Variants in SYNJ2 observed in about 807,000 individuals in gnomAD.
The protein encoded by SYNJ2 is synaptojanin 2.
In SYNJ2, 116 loss-of-function variants were observed where a neutral mutation model predicts 141.3. That is an observed-to-expected ratio of 0.82 (90% CI 0.71 to 0.96). The LOEUF is 0.96. Ranked by LOEUF, SYNJ2 falls within the 40% of genes least tolerant of loss-of-function variation. The pLI, the probability that SYNJ2 is intolerant of heterozygous loss-of-function variation, is 0.00. For synonymous variants in SYNJ2, 745 were observed against 777.7 expected, an observed-to-expected ratio of 0.96 and a Z score of 0.70; for missense variants, 1,873 against 1,934.8, an observed-to-expected ratio of 0.97 and a Z score of 0.60.
At chr6:158,089,528 A>T (rs901326989) in intron 24 of SYNJ2, among the ~76,000 whole-genome samples, 1 of 152,192 alleles carries the variant, frequency 6.6e-6, no homozygotes, top group African/African-American at 2.4e-5. Context: ...CCATGGAAAG[A>T]GTGGCCTCTT....
intron 1 of SYNJ2, among the ~76,000 whole-genome samples, chr6:158,010,305 C>G (rs536411866): frequency 2.0e-5 from 3 of 152,338 alleles, no homozygotes; most frequent in Non-Finnish European, 4.4e-5. Flanking sequence ...CTTCTTCCTT[C>G]AAACATAATT....
Position 158,068,635 on chromosome 6 carries a change from C to A in SYNJ2, c.1718-12C>A, listed in dbSNP as rs770411199. 6.2e-7 allele frequency: 1 copy of A among 1,614,052 alleles called. No individual in the cohort carries two copies. The stretch of plus-strand genomic sequence containing the variant: ...GGTTCTGACTTCTGTCATCTCTTGC[C>A]TTGCTCCCCAGATGACAGCAGCCCA... On this transcript the variant is annotated splice_polypyrimidine_tract_variant and intron_variant, in intron 12 of 26. Coordinates refer to ENST00000355585, the MANE Select transcript of SYNJ2 (RefSeq NM_003898.4).
chr6:158,039,457 A>C (rs1247921116), intron 4 of SYNJ2, among the ~76,000 whole-genome samples: 1 of 152,192 alleles, frequency 6.6e-6, no homozygotes, highest in Admixed American at 6.5e-5. Context: ...GGACCCTGTG[A>C]GATTTACCTG....
At chr6:158,020,104 TTG>T (rs1259731356) in intron 2 of SYNJ2, among the ~76,000 whole-genome samples, 3 of 150,320 alleles carry the variant, frequency 2.0e-5, no homozygotes. Flanking sequence ...CTGACTCCAA[TTG>T]TGTGACTAAC....
chr6:157,981,613 G>T (rs1187712200), upstream of SYNJ2, among the ~76,000 whole-genome samples: 1 of 151,934 alleles, frequency 6.6e-6, no homozygotes, highest in East Asian at 1.9e-4. This position sits in a 1 kb window ranked among gnomAD's most constrained non-coding sequence, Gnocchi z 6.4. Context: ...CCCCGCGCGG[G>T]GCATCCTCCT....
intron 5 of SYNJ2, among the ~76,000 whole-genome samples, chr6:158,045,739 CT>C (rs1375924362): frequency 6.6e-6 from 1 of 152,062 alleles, no homozygotes; most frequent in Non-Finnish European, 1.5e-5. Context: ...TGTCGTTCCC[CT>C]CTTGGATTTC....
At chr6:158,069,306 G>C (rs1289067042) in intron 13 of SYNJ2, among the ~76,000 whole-genome samples, 9 of 152,146 alleles carry the variant, frequency 5.9e-5, no homozygotes, top group Admixed American at 5.9e-4. Flanking sequence ...AGAAGGTCCT[G>C]GGTTGGGTTT....
rs34645890 is a variant in SYNJ2, at chr6:158,040,533, TAA to T, written c.712-2772_712-2771del. On this transcript the variant is annotated intron_variant, in intron 4 of 26. Coordinates refer to ENST00000355585, the MANE Select transcript of SYNJ2 (RefSeq NM_003898.4). The surrounding 1 kb of genome is among the most constrained non-coding windows in gnomAD (Gnocchi z 4.2). ...AGACCAAAAAGTCCCCTCAGTCTATTAAAAAAAAAAAAGGATGTAAGATAAAT... is the reference window on the plus strand; with the variant it reads ...AGACCAAAAAGTCCCCTCAGTCTATTAAAAAAAAAAGGATGTAAGATAAAT... Among the ~76,000 whole-genome samples the T allele has an allele frequency of 3.5e-5, 5 of 143,156 alleles. No individual in the cohort carries two copies. Among genetic ancestry groups the T allele is most frequent in the African/African-American group, 1.0e-4 (4 of 39,424 alleles). 93.9% of individuals were successfully genotyped at this position (143,156 alleles called of 152,430 possible).
rs138737747 is a variant in SYNJ2 at position 157,998,033 on chromosome 6, T to C, written c.127+15945T>C. Among the ~76,000 whole-genome samples, 93 of 152,382 alleles carry C rather than the reference T, an allele frequency of 6.1e-4. 3 individuals are homozygous for C. In the East Asian group the frequency reaches 0.016, roughly 26 times the overall value. Reference sequence around the variant, plus strand: ...TGCAGTGCCTAAGAGGCCCCTGCTCTATTCAACTGGATATTCACGCAGGCA... The same window carrying C: ...TGCAGTGCCTAAGAGGCCCCTGCTCCATTCAACTGGATATTCACGCAGGCA... On this transcript the variant is annotated intron_variant, in intron 1 of 26. Transcript: ENST00000355585.
At chr6:158,059,811 T>G (rs1269528042) in intron 7 of SYNJ2, among the ~76,000 whole-genome samples, 1 of 152,204 alleles carries the variant, frequency 6.6e-6, no homozygotes, top group African/African-American at 2.4e-5. Context: ...CGCCTCGGCC[T>G]CCCAAAGTGC....
rs1779476206 is a variant in SYNJ2, at chr6:158,033,440, G to A, written c.486-15G>A. On this transcript the variant is annotated splice_polypyrimidine_tract_variant and intron_variant, in intron 3 of 26. Coordinates refer to ENST00000355585, the MANE Select transcript of SYNJ2 (RefSeq NM_003898.4). ...TGTCAAGTGACTGGAATTGGTGTGG[G>A]ACTGTGTTTTGCAGGAACCAGCTGT... The A allele has an allele frequency of 1.9e-6, 3 of 1,612,628 alleles. No homozygotes were observed. In the South Asian group the frequency reaches 3.3e-5, roughly 18 times the overall value.
At chr6:158,016,514 C>T (rs1393676029) in intron 1 of SYNJ2, among the ~76,000 whole-genome samples, 1 of 152,120 alleles carries the variant, frequency 6.6e-6, no homozygotes, top group Non-Finnish European at 1.5e-5. Flanking sequence ...GTTCTGTGCA[C>T]TTAAAACATT....
rs557123801 is a variant in SYNJ2, at chr6:158,043,566, G to T, written c.795+167G>T. Reference sequence around the variant, plus strand: ...CTGAGCTATCAAAGTGTGCACACGTGTGTGCATATGCATGCGTGCGTGTGT... The same window carrying T: ...CTGAGCTATCAAAGTGTGCACACGTTTGTGCATATGCATGCGTGCGTGTGT... On this transcript the variant is annotated intron_variant, in intron 5 of 26. Coordinates refer to ENST00000355585, the MANE Select transcript of SYNJ2 (RefSeq NM_003898.4). This position sits in a 1 kb window ranked among gnomAD's most constrained non-coding sequence, Gnocchi z 4.0. 7.2e-5 allele frequency among the ~76,000 whole-genome samples: 11 copies of T among 152,296 alleles called. No homozygotes were observed. The highest frequency in any genetic ancestry group is 2.6e-4 in the African/African-American group (11 of 41,570).
chr6:157,992,853 A>G (rs574850404), intron 1 of SYNJ2, among the ~76,000 whole-genome samples: 1 of 152,350 alleles, frequency 6.6e-6, no homozygotes, highest in South Asian at 2.1e-4. Context: ...GTTGGTGGAC[A>G]CTGAAGTTGC....
chr6:158,031,129 A>G (rs1433508991), intron 3 of SYNJ2, among the ~76,000 whole-genome samples: 1 of 152,168 alleles, frequency 6.6e-6, no homozygotes, highest in African/African-American at 2.4e-5. Flanking sequence ...GAGCTGTTAC[A>G]TGTTCCCCTA....
intron 8 of SYNJ2, among the ~76,000 whole-genome samples, chr6:158,063,066 T>C (rs1429074375): frequency 6.6e-6 from 1 of 152,210 alleles, no homozygotes; most frequent in Non-Finnish European, 1.5e-5. Flanking sequence ...TGTCTTTATA[T>C]GGAAACATAC....
intron 1 of SYNJ2, among the ~76,000 whole-genome samples, chr6:158,005,124 C>T (rs1291992599): frequency 6.7e-6 from 1 of 148,468 alleles, no homozygotes; most frequent in Non-Finnish European, 1.5e-5. Flanking sequence ...GTCGCCCAGG[C>T]TGGAGTGCAG....
At chr6:158,077,973 T>C (rs1326243386) in intron 17 of SYNJ2, 191 bp from the exon 18 acceptor site, 2 of 517,344 alleles carry the variant, frequency 3.9e-6, no homozygotes, top group South Asian at 2.2e-5. Context: ...AATAATTATA[T>C]GCGAGGAATG....
Position 158,062,169 on chromosome 6 carries a change from G to C in SYNJ2, c.1127+5G>C. ...GGGGGAGAACGTCAGTCCACGGTGA[G>C]GCTCGCTGCGCACTGTGCCGCGTCT... On this transcript the variant is annotated splice_donor_5th_base_variant and intron_variant, in intron 8 of 26. Transcript: ENST00000355585. The C allele has an allele frequency of 6.2e-7, 1 of 1,612,292 alleles. No individual in the cohort carries two copies. The highest frequency in any genetic ancestry group is 8.5e-7 in the Non-Finnish European group (1 of 1,179,300).
Sources: allele counts gnomAD v4.1 joint callset (sites outside exome capture counted in the v4.1 genomes callset), GRCh38; gene constraint gnomAD v4.1.1; non-coding constraint Gnocchi (gnomAD v3.1); transcripts MANE v1.5; gene names NCBI Gene and HGNC (gene_info 2026-07-23, HGNC 2026-07-21).